Variants in MOV10L1 observed in about 807,000 individuals in gnomAD.
The protein encoded by MOV10L1 is Mov10 like RNA helicase 1, also known as RNA helicase Mov10l1.
MOV10L1 carries 110 observed loss-of-function variants against 143.8 expected under a neutral mutation model. The observed-to-expected ratio is 0.76, with a 90% confidence interval of 0.66 to 0.90. The LOEUF (loss-of-function observed/expected upper bound fraction) is 0.90, where lower values mean the gene tolerates loss of function less well. MOV10L1 is among the 40% of genes least tolerant of loss of function. The probability of loss-of-function intolerance (pLI) is 0.00; values close to 1 mark genes in which losing one functional copy is unlikely to be tolerated. For synonymous variants in MOV10L1, 593 were observed against 581.1 expected (o/e 1.02, Z -0.29); for missense variants, 1,406 against 1,526.8 (o/e 0.92, Z 1.32).
At chr22:50,128,976 C>G (rs965066519) in intron 13 of MOV10L1, among the ~76,000 whole-genome samples, 2 of 151,930 alleles carry the variant, frequency 1.3e-5, no homozygotes, top group African/African-American at 4.8e-5. Context: ...TAATTTGTCT[C>G]TTTATCTTTA....
intron 15 of MOV10L1, among the ~76,000 whole-genome samples, chr22:50,141,660 G>A (rs576167226): frequency 6.6e-6 from 1 of 152,210 alleles, no homozygotes; most frequent in African/African-American, 2.4e-5. Context: ...CTTGCCTGAC[G>A]TCAACAGGCA....
At position 50,091,992 on chromosome 22, in the gene MOV10L1, C is replaced by T. The variant is rs368420186; in HGVS notation, c.98-9C>T. 111 of 1,608,964 alleles carry T rather than the reference C, an allele frequency of 6.9e-5. No individual in the cohort carries two copies. The highest frequency in any genetic ancestry group is 9.2e-5 in the Non-Finnish European group (108 of 1,177,448). ...TGGCCAAGATAACTTCTTTGTTTAC[C>T]TACCTCAGGTGACACTAAGCTGAAA... On this transcript the variant is annotated splice_polypyrimidine_tract_variant and intron_variant, in intron 1 of 26. Transcript: ENST00000262794.
At chr22:50,118,627 G>T (rs1602212853) in intron 9 of MOV10L1, among the ~76,000 whole-genome samples, 1 of 152,210 alleles carries the variant, frequency 6.6e-6, no homozygotes, top group South Asian at 2.1e-4. Flanking sequence ...TAGAATCTGG[G>T]ATTAATAGGT....
chr22:50,122,365 T>G (rs1397029501), intron 10 of MOV10L1, among the ~76,000 whole-genome samples: 1 of 152,230 alleles, frequency 6.6e-6, no homozygotes, highest in East Asian at 1.9e-4. Context: ...TCAGTGTTGT[T>G]TAGAAATGAA....
chr22:50,155,295 C>T (rs186171550), intron 22 of MOV10L1, among the ~76,000 whole-genome samples: 147 of 142,512 alleles, frequency 1.0e-3, no homozygotes, highest in Admixed American at 5.2e-3. Flanking sequence ...GAGTTTTGCT[C>T]TTTCACCCCA....
At chr22:50,111,486 C>CTT (rs529438045) in intron 5 of MOV10L1, among the ~76,000 whole-genome samples, 1,780 of 59,112 alleles carry the variant, frequency 0.03, 432 homozygotes, top group Non-Finnish European at 0.041. Flanking sequence ...TCTGTCTTTG[C>CTT]TTTTTTTTTT....
At chr22:50,144,298 G>C in intron 18 of MOV10L1, 55 bp downstream of exon 18, 1 of 1,544,870 alleles carries the variant, frequency 6.5e-7, no homozygotes, top group Non-Finnish European at 8.8e-7. Flanking sequence ...TGGAACATAG[G>C]AAATGCCAAG....
At chr22:50,101,132 G>A (rs936861317) in intron 3 of MOV10L1, among the ~76,000 whole-genome samples, 1 of 152,124 alleles carries the variant, frequency 6.6e-6, no homozygotes. Flanking sequence ...CTTTAAGCTG[G>A]GGGGTGGGAG....
chr22:50,090,507 G>C (rs776842362), intron 1 of MOV10L1: 1 of 1,608,932 alleles, frequency 6.2e-7, no homozygotes, highest in Non-Finnish European at 8.5e-7. Flanking sequence ...AGCGTCATTG[G>C]CGGTGGTGTG....
chr22:50,141,982 T>C (rs935071853), intron 15 of MOV10L1, 99 bp from the exon 16 acceptor site: 10 of 816,428 alleles, frequency 1.2e-5, no homozygotes, highest in Non-Finnish European at 1.9e-5. Context: ...TAAATAAATA[T>C]ACTAAGTAGA....
chr22:50,091,212 G>A (rs1160934880), intron 1 of MOV10L1: 3 of 167,482 alleles, frequency 1.8e-5, no homozygotes, highest in African/African-American at 7.2e-5. Context: ...CACGCGCTCA[G>A]CGGTAGCTGG....
At position 50,153,210 on chromosome 22, in the gene MOV10L1, G is replaced by A; in HGVS notation, c.3058G>A (p.Gly1020Ser). Residue 1020 changes from glycine to serine, a missense_variant, in exon 22 of 27, where the codon GGT (glycine) becomes AGT (serine). By Grantham distance (56) the Gly-to-Ser change is moderately conservative. Transcript: ENST00000262794. ...GAAAGGCTTCCCTCTCATCTTCCATGGTGTGCGGGTGAGTTGTGTCTTGAA... is the reference window on the plus strand; with the variant it reads ...GAAAGGCTTCCCTCTCATCTTCCATAGTGTGCGGGTGAGTTGTGTCTTGAA... ...PKKGFPLIFH[G>S]VRGSEAREGK... 1.9e-6 allele frequency: 3 copies of A among 1,613,342 alleles called. No homozygotes were observed. The highest frequency in any genetic ancestry group is 1.7e-6 in the Non-Finnish European group (2 of 1,179,448).
rs778530353 is a variant in MOV10L1 at position 50,113,808 on chromosome 22, AT to A, written c.884+24del. The A allele has an allele frequency of 8.3e-6, 13 of 1,562,570 alleles. No homozygotes were observed. The highest frequency in any genetic ancestry group is 7.8e-5 in the Admixed American group (4 of 51,250). On this transcript the variant is annotated intron_variant, in intron 6 of 26. Coordinates refer to ENST00000262794, the MANE Select transcript of MOV10L1 (RefSeq NM_018995.3). ...GATAGAGTGAGTTTGCCACTGAAACATTTTCTATAAAGCTACATTAATGGCT... is the reference window on the plus strand; with the variant it reads ...GATAGAGTGAGTTTGCCACTGAAACATTTCTATAAAGCTACATTAATGGCT...
Position 50,090,499 on chromosome 22 carries a change from C to T in MOV10L1, c.97+314C>T, listed in dbSNP as rs1322017977. 1.2e-5 allele frequency: 19 copies of T among 1,609,832 alleles called. No homozygotes were observed. In the Admixed American group the frequency reaches 2.5e-4, roughly 21 times the overall value. Reference sequence around the variant, plus strand: ...CCATGTCGTTCCTCCCTGTCCGCAGCGTCATTGGCGGTGGTGTGTCTAGAA... The same window carrying T: ...CCATGTCGTTCCTCCCTGTCCGCAGTGTCATTGGCGGTGGTGTGTCTAGAA... On this transcript the variant is annotated intron_variant, in intron 1 of 26. Transcript: ENST00000262794.
intron 15 of MOV10L1, among the ~76,000 whole-genome samples, chr22:50,137,199 A>AC (rs746003137): frequency 4.7e-4 from 72 of 152,176 alleles, no homozygotes; most frequent in Non-Finnish European, 5.0e-4. Context: ...ATTGGAACCA[A>AC]CCCCCCCGAA....
At chr22:50,129,240 C>CTA (rs2062604293) in intron 13 of MOV10L1, among the ~76,000 whole-genome samples, 1 of 152,212 alleles carries the variant, frequency 6.6e-6, no homozygotes, top group South Asian at 2.1e-4. Context: ...TCACCGTCAG[C>CTA]TACCAGCTCC....
chr22:50,158,055 A>G lies in MOV10L1; in HGVS notation c.3067-2A>G. 1 of 1,612,740 alleles carries G rather than the reference A, an allele frequency of 6.2e-7. No homozygotes were observed. Among genetic ancestry groups the G allele is most frequent in the Non-Finnish European group, 8.5e-7 (1 of 1,179,142 alleles). On this transcript the variant is annotated splice_acceptor_variant, in intron 22 of 26. Coordinates refer to ENST00000262794, the MANE Select transcript of MOV10L1 (RefSeq NM_018995.3). LOFTEE classifies it high-confidence loss of function. The surrounding 1 kb of genome is among the most constrained non-coding windows in gnomAD (Gnocchi z 5.0). ...GTAGGTTTTCTCTCCTCATCAACCC[A>G]GGGCAGCGAGGCACGGGAGGGAAAA...
In MOV10L1 at chr22:50,123,667, A is replaced by C. The variant is rs190029405; in HGVS notation, c.1570-1725A>C. Among the ~76,000 whole-genome samples, 477 of 152,358 alleles carry C rather than the reference A, an allele frequency of 3.1e-3. 5 individuals are homozygous for C. The highest frequency in any genetic ancestry group is 4.1e-3 in the Non-Finnish European group (279 of 68,036). ...TTGGGATCAGGGTAATGCTGGCCTC[A>C]TAAGAATAAGTCAGAGAGTATTCCC... On this transcript the variant is annotated intron_variant, in intron 10 of 26. Transcript: ENST00000262794.
intron 14 of MOV10L1, 119 bp from the exon 15 acceptor site, chr22:50,134,411 G>A: frequency 1.3e-6 from 1 of 755,120 alleles, no homozygotes; most frequent in East Asian, 2.7e-5. Flanking sequence ...TAACAGGCAG[G>A]TTAAGAAAGG....
Sources: gnomAD v4.1 joint callset for allele counts (sites outside exome capture counted in the v4.1 genomes callset) on GRCh38, gnomAD v4.1.1 for gene constraint, Gnocchi (gnomAD v3.1) non-coding constraint, MANE v1.5 for transcripts, NCBI Gene and HGNC (gene_info 2026-07-23, HGNC 2026-07-21) for gene names.